Variants in TSHZ2 observed in about 807,000 individuals in gnomAD.
The protein encoded by TSHZ2 is teashirt zinc finger homeobox 2, also known as teashirt homolog 2.
In TSHZ2, 21 loss-of-function variants were observed where a neutral mutation model predicts 74.4. The observed-to-expected ratio is 0.28, with a 90% CI of 0.20 to 0.41. The LOEUF is 0.41. Among genes scored for constraint, TSHZ2 ranks in the 10% least tolerant of loss-of-function variants. The probability of loss-of-function intolerance (pLI) is 1.00; values close to 1 mark genes in which losing one functional copy is unlikely to be tolerated. For synonymous variants in TSHZ2, 540 were observed against 515.3 expected (o/e 1.05, Z -0.65); for missense variants, 1,244 against 1,293.5 (o/e 0.96, Z 0.59).
intron 1 of TSHZ2, among the ~76,000 whole-genome samples, chr20:53,042,578 G>A (rs577582644): frequency 3.6e-4 from 55 of 152,152 alleles, no homozygotes; most frequent in African/African-American, 1.2e-3. Context: ...CATAGGGAAT[G>A]ATGGAATTGG....
At chr20:53,020,524 G>A (rs1393124273) in intron 1 of TSHZ2, among the ~76,000 whole-genome samples, 1 of 152,178 alleles carries the variant, frequency 6.6e-6, no homozygotes, top group Non-Finnish European at 1.5e-5. Flanking sequence ...GAAACCACTA[G>A]CTTCTTGTGG....
chr20:53,074,111 T>G lies in TSHZ2; in HGVS notation c.40+100778T>G, dbSNP rs1431880402. Among the ~76,000 whole-genome samples, 1 of 152,240 alleles carries G rather than the reference T, an allele frequency of 6.6e-6. No individual in the cohort carries two copies. The highest frequency in any genetic ancestry group is 1.5e-5 in the Non-Finnish European group (1 of 68,030). ...ATGTACATACAACTGTCTCTCACCT[T>G]CATGACATCCTTGGTGAACTCTTAT... On this transcript the variant is annotated intron_variant, in intron 1 of 2. Coordinates refer to ENST00000371497, the MANE Select transcript of TSHZ2 (RefSeq NM_173485.6). This position sits in a 1 kb window ranked among gnomAD's most constrained non-coding sequence, Gnocchi z 5.9.
At chr20:53,222,079 T>C (rs1364025146) in intron 1 of TSHZ2, among the ~76,000 whole-genome samples, 2 of 152,184 alleles carry the variant, frequency 1.3e-5, no homozygotes, top group African/African-American at 4.8e-5. Flanking sequence ...AGCTCTTACT[T>C]CTTATAATAT....
At chr20:53,168,200 T>C (rs900644263) in intron 1 of TSHZ2, among the ~76,000 whole-genome samples, 2 of 152,232 alleles carry the variant, frequency 1.3e-5, no homozygotes, top group African/African-American at 4.8e-5. Flanking sequence ...TTTGTCTGGA[T>C]AGTTGTTTGC....
In TSHZ2 at chr20:53,488,524, T is replaced by A. The variant is rs1003513376; in HGVS notation, c.*1389T>A. 6 of 167,536 alleles carry A rather than the reference T, an allele frequency of 3.6e-5. No individual in the cohort carries two copies. Among genetic ancestry groups the A allele is most frequent in the Non-Finnish European group, 7.7e-5 (6 of 77,948 alleles). 10.4% of individuals were successfully genotyped at this position (167,536 alleles called of 1,614,324 possible). A position where few individuals can be genotyped will look rare whatever the true frequency, so the allele number is the denominator to read the frequency against. ...ACAATTGAAAGCAACCTATAATAGA[T>A]AAATCCATCATTGCATTTAAACAAT... On this transcript the variant is annotated 3_prime_UTR_variant, in exon 3 of 3. Coordinates refer to ENST00000371497, the MANE Select transcript of TSHZ2 (RefSeq NM_173485.6).
chr20:53,331,871 T>C (rs1377060960), intron 2 of TSHZ2, among the ~76,000 whole-genome samples: 1 of 151,844 alleles, frequency 6.6e-6, no homozygotes, highest in Non-Finnish European at 1.5e-5. Flanking sequence ...CCAAGGGGAA[T>C]GGATGATGTT....
At chr20:53,140,770 G>A (rs11086415) in intron 1 of TSHZ2, among the ~76,000 whole-genome samples, 30,354 of 152,024 alleles carry the variant, frequency 0.2, 3,334 homozygotes, top group Admixed American at 0.25. Flanking sequence ...ACCTTCTGCC[G>A]TTGGTGGTTC....
chr20:53,006,257 A>G (rs569435185), intron 1 of TSHZ2, among the ~76,000 whole-genome samples: 41 of 152,362 alleles, frequency 2.7e-4, no homozygotes, highest in African/African-American at 9.6e-4. Flanking sequence ...CATTAGTGTC[A>G]CTATTGCAAG....
At chr20:53,381,627 G>GT (rs1206080889) in intron 2 of TSHZ2, among the ~76,000 whole-genome samples, 3 of 152,118 alleles carry the variant, frequency 2.0e-5, no homozygotes, top group Non-Finnish European at 4.4e-5. Context: ...AAATACCTCA[G>GT]TTACTGCAGG....
chr20:53,021,485 C>T (rs1162528490), intron 1 of TSHZ2, among the ~76,000 whole-genome samples: 2 of 152,196 alleles, frequency 1.3e-5, no homozygotes, highest in Admixed American at 6.5e-5. Context: ...TTCTTTCTTC[C>T]TTTCTTCCCC....
intron 2 of TSHZ2, among the ~76,000 whole-genome samples, chr20:53,425,801 G>T (rs796580725): frequency 2.1e-4 from 31 of 146,488 alleles, no homozygotes; most frequent in African/African-American, 6.0e-4. Context: ...ACGTTCTTTT[G>T]TTTTTTTTTT....
intron 1 of TSHZ2, among the ~76,000 whole-genome samples, chr20:53,004,742 G>T (rs896453884): frequency 2.0e-5 from 3 of 152,126 alleles, no homozygotes; most frequent in African/African-American, 7.2e-5. Flanking sequence ...GCTACCAAAA[G>T]TCAGACCCTC....
chr20:53,419,056 C>T (rs1253467262), intron 2 of TSHZ2, among the ~76,000 whole-genome samples: 3 of 152,206 alleles, frequency 2.0e-5, no homozygotes, highest in Admixed American at 6.5e-5. Context: ...GAATTAACAA[C>T]ATGAGGAAAA....
In TSHZ2 at chr20:53,173,054, C is replaced by A. The variant is rs192703610; in HGVS notation, c.41-80445C>A. Among the ~76,000 whole-genome samples the A allele has an allele frequency of 1.0e-3, 157 of 152,280 alleles. 1 individual carries two copies. Among genetic ancestry groups the A allele is most frequent in the African/African-American group, 3.6e-3 (151 of 41,544 alleles). ...GTCTCATAATGGTCTTGAGCTGGTG[C>A]ATGACACATAATGAACACAGTGCTC... On this transcript the variant is annotated intron_variant, in intron 1 of 2. Coordinates refer to ENST00000371497, the MANE Select transcript of TSHZ2 (RefSeq NM_173485.6).
intron 2 of TSHZ2, among the ~76,000 whole-genome samples, chr20:53,299,174 C>G (rs992383423): frequency 6.6e-6 from 1 of 152,146 alleles, no homozygotes; most frequent in East Asian, 1.9e-4. Context: ...GAAGCCGCAC[C>G]CTGTCTTATA....
intron 1 of TSHZ2, among the ~76,000 whole-genome samples, chr20:52,997,139 G>C (rs1307662877): frequency 6.6e-6 from 1 of 152,154 alleles, no homozygotes; most frequent in East Asian, 1.9e-4. Context: ...GTGCACCTGG[G>C]AGAGATGCAG....
intron 1 of TSHZ2, among the ~76,000 whole-genome samples, chr20:53,036,616 T>C (rs1983828019): frequency 6.7e-6 from 1 of 148,746 alleles, no homozygotes; most frequent in Admixed American, 6.7e-5. Context: ...ATATATAATA[T>C]AGAGAGGTTG....
intron 1 of TSHZ2, among the ~76,000 whole-genome samples, chr20:53,190,443 G>C (rs1457895653): frequency 6.6e-6 from 1 of 151,862 alleles, no homozygotes; most frequent in Non-Finnish European, 1.5e-5. Flanking sequence ...TGCAGGGCGA[G>C]GGTGCCTCTT....
intron 1 of TSHZ2, among the ~76,000 whole-genome samples, chr20:52,985,233 C>T (rs1923104): frequency 0.36 from 54,933 of 151,824 alleles, 10,419 homozygotes; most frequent in Non-Finnish European, 0.42. Context: ...CATCTCGGTG[C>T]GACCTCAGGC....
Sources: gnomAD v4.1 joint callset for allele counts (sites outside exome capture counted in the v4.1 genomes callset) on GRCh38, gnomAD v4.1.1 for gene constraint, Gnocchi (gnomAD v3.1) non-coding constraint, MANE v1.5 for transcripts, NCBI Gene and HGNC (gene_info 2026-07-23, HGNC 2026-07-21) for gene names.